The following RNF43 variants were observed in gnomAD, a reference collection of about 807,000 sequenced individuals.
The protein encoded by RNF43 is ring finger protein 43, also known as E3 ubiquitin-protein ligase RNF43.
A neutral mutation model predicts 78.4 loss-of-function variants in RNF43; 37 were observed. That is an observed-to-expected ratio of 0.47 (90% CI 0.36 to 0.62). RNF43 has a LOEUF of 0.62. RNF43 is among the 20% of genes least tolerant of loss of function. RNF43 has a pLI of 0.00. For synonymous variants in RNF43, 347 were observed against 395.0 expected (o/e 0.88, Z 1.44); for missense variants, 774 against 1,007.9 (o/e 0.77, Z 3.14).
chr17:58,360,043 A>G lies in RNF43; in HGVS notation c.952+106T>C, dbSNP rs548596445. ...GTACAGCCCATACAACTATGGTGGC[A>G]GTTCTGCTTTCTCCCCAGCTTCAAG... On this transcript the variant is annotated intron_variant, in intron 8 of 9. Transcript: ENST00000407977. This position sits in a 1 kb window ranked among gnomAD's most constrained non-coding sequence, Gnocchi z 4.3. The G allele has an allele frequency of 3.3e-5, 26 of 795,622 alleles. No individual in the cohort carries two copies. The South Asian group carries it at 3.6e-4, about 11-fold the overall frequency. The allele number at this position is 795,622 out of a possible 1,614,324, so 49.3% of individuals were successfully genotyped here. A position where few individuals can be genotyped will look rare whatever the true frequency, so the allele number is the denominator to read the frequency against.
At chr17:58,382,443 T>C (rs955058845) in intron 2 of RNF43, among the ~76,000 whole-genome samples, 3 of 152,226 alleles carry the variant, frequency 2.0e-5, no homozygotes, top group African/African-American at 7.2e-5. Flanking sequence ...TCAGAAACTT[T>C]CTGTATACTC....
intron 2 of RNF43, among the ~76,000 whole-genome samples, chr17:58,374,391 C>T (rs1484894282): frequency 6.7e-6 from 1 of 149,192 alleles, no homozygotes; most frequent in Non-Finnish European, 1.5e-5. Context: ...TCTTTTCACT[C>T]TTCTTTTTTT....
intron 2 of RNF43, among the ~76,000 whole-genome samples, chr17:58,374,753 C>G (rs1973172698): frequency 6.6e-6 from 1 of 152,236 alleles, no homozygotes; most frequent in Non-Finnish European, 1.5e-5. Context: ...CTACGGTGCC[C>G]ACACAGAGGT....
In RNF43 at chr17:58,394,131, G is replaced by A. The variant is rs190782454; in HGVS notation, c.252+21195C>T. ...AACATTCCCTAGACTCCTCTCTACT[G>A]GGGATACCCTTCTCTCTTGAGGAAA... On this transcript the variant is annotated intron_variant, in intron 2 of 9. Coordinates refer to ENST00000407977, the MANE Select transcript of RNF43 (RefSeq NM_017763.6). 5.9e-5 allele frequency among the ~76,000 whole-genome samples: 9 copies of A among 152,282 alleles called. No individual in the cohort carries two copies. The East Asian group carries it at 7.7e-4, about 13-fold the overall frequency.
At chr17:58,370,032 G>T (rs1288041140) in intron 3 of RNF43, among the ~76,000 whole-genome samples, 2 of 142,724 alleles carry the variant, frequency 1.4e-5, no homozygotes, top group Non-Finnish European at 3.0e-5. Context: ...TGCTTTGCAG[G>T]TTTCTTCTAA....
At chr17:58,370,401 T>C (rs1350210354) in intron 3 of RNF43, among the ~76,000 whole-genome samples, 1 of 152,192 alleles carries the variant, frequency 6.6e-6, no homozygotes, top group Non-Finnish European at 1.5e-5. Context: ...ATTTTTAATT[T>C]TTAAATGTGG....
downstream of RNF43, chr17:58,353,002 G>A (rs1972595096): frequency 9.2e-6 from 2 of 217,500 alleles, no homozygotes; most frequent in African/African-American, 4.5e-5. Context: ...AAGCGACAAA[G>A]GCCCCTTCTG....
In RNF43 at chr17:58,357,292, G is replaced by T; in HGVS notation, c.2308+176C>A. 2 of 830,848 alleles carry T rather than the reference G, an allele frequency of 2.4e-6. No homozygotes were observed. The highest frequency in any genetic ancestry group is 4.0e-6 in the Non-Finnish European group (2 of 499,774). 51.5% of individuals were successfully genotyped at this position (830,848 alleles called of 1,614,324 possible). A position where few individuals can be genotyped will look rare whatever the true frequency, so the allele number is the denominator to read the frequency against. On this transcript the variant is annotated intron_variant, in intron 9 of 9. Transcript: ENST00000407977. The surrounding 1 kb of genome is among the most constrained non-coding windows in gnomAD (Gnocchi z 4.5). ...GGGTAGCACCTGGCAGAGGTGGGGTGTTCCTGCACTCTAGCCAGCATGATA... is the reference window on the plus strand; with the variant it reads ...GGGTAGCACCTGGCAGAGGTGGGGTTTTCCTGCACTCTAGCCAGCATGATA...
At chr17:58,381,455 A>G (rs1185976898) in intron 2 of RNF43, among the ~76,000 whole-genome samples, 1 of 152,248 alleles carries the variant, frequency 6.6e-6, no homozygotes, top group African/African-American at 2.4e-5. Flanking sequence ...CAAGGCAAAC[A>G]GACTGCTGGC....
chr17:58,373,146 C>T (rs774430619), intron 2 of RNF43, among the ~76,000 whole-genome samples: 4 of 152,208 alleles, frequency 2.6e-5, no homozygotes, highest in Admixed American at 6.5e-5. Flanking sequence ...TCTGCTTGCT[C>T]CTCGACCCTC....
rs2143387163 is a variant in RNF43, at chr17:58,357,585, G to A, written c.2191C>T (p.Pro731Ser). The change falls in exon 9 of 10, where the codon CCT becomes TCT. Residue 731 changes from proline to serine, a missense_variant. Pro to Ser is a moderately conservative substitution (Grantham distance 74). Coordinates refer to ENST00000407977, the MANE Select transcript of RNF43 (RefSeq NM_017763.6). The surrounding 1 kb of genome is among the most constrained non-coding windows in gnomAD (Gnocchi z 4.5). ...NSQPVWLCLT[P>S]RQPLEPHPPG... is the part of the protein sequence containing the mutation. ...GGATGTGGTTCCAGGGGCTGGCGAG[G>A]AGTCAGGCACAACCACACTGGCTGT... is the stretch of plus-strand genomic sequence containing the variant. 1 of 1,614,220 alleles carries A rather than the reference G, an allele frequency of 6.2e-7. No homozygotes were observed. The highest frequency in any genetic ancestry group is 8.5e-7 in the Non-Finnish European group (1 of 1,180,044).
At chr17:58,391,320 C>A (rs540786065) in intron 2 of RNF43, among the ~76,000 whole-genome samples, 1 of 152,236 alleles carries the variant, frequency 6.6e-6, no homozygotes, top group East Asian at 1.9e-4. Flanking sequence ...TCCCACCTCT[C>A]CACCACTACC....
At chr17:58,377,418 CCA>C (rs1339170064) in intron 2 of RNF43, among the ~76,000 whole-genome samples, 2 of 152,278 alleles carry the variant, frequency 1.3e-5, no homozygotes, top group Admixed American at 6.5e-5. Context: ...AGCTCATTAT[CCA>C]CAGTCACTTC....
In RNF43 at chr17:58,370,984, G is replaced by A; in HGVS notation, c.302C>T (p.Pro101Leu). Residue 101 changes from proline (P) to leucine (L), a missense_variant, in exon 3 of 10, where the codon CCT becomes CTT. Physicochemically the swap from Pro to Leu is moderately conservative, Grantham distance 98. Coordinates refer to ENST00000407977, the MANE Select transcript of RNF43 (RefSeq NM_017763.6). Reference sequence around the variant, plus strand: ...CAGCTTGACGATGCTGATGAATCCAGGCTCCAGATTGTCGTCATCACTGGC... The same window carrying A: ...CAGCTTGACGATGCTGATGAATCCAAGCTCCAGATTGTCGTCATCACTGGC... ...CNASDDDNLE[P>L]GFISIVKLES... The A allele has an allele frequency of 6.2e-7, 1 of 1,611,670 alleles. No homozygotes were observed. Among genetic ancestry groups the A allele is most frequent in the South Asian group, 1.1e-5 (1 of 90,652 alleles).
At chr17:58,387,417 G>A (rs1256112388) in intron 2 of RNF43, among the ~76,000 whole-genome samples, 1 of 152,068 alleles carries the variant, frequency 6.6e-6, no homozygotes, top group African/African-American at 2.4e-5. Context: ...TTGGGGGACC[G>A]AGGCAGGCAG....
intron 3 of RNF43, among the ~76,000 whole-genome samples, chr17:58,367,253 C>A (rs1972976204): frequency 3.3e-5 from 5 of 152,108 alleles, no homozygotes; most frequent in Admixed American, 3.3e-4. Flanking sequence ...CCTGCCTCAG[C>A]CTCTGAAAGT....
chr17:58,365,957 G>A (rs1027205127), intron 3 of RNF43, among the ~76,000 whole-genome samples: 1 of 152,134 alleles, frequency 6.6e-6, no homozygotes, highest in African/African-American at 2.4e-5. Context: ...CTTACTTGCA[G>A]GACTCACTGG....
downstream of RNF43, chr17:58,352,948 A>G (rs994564371): frequency 4.7e-6 from 1 of 214,198 alleles, no homozygotes; most frequent in Non-Finnish European, 9.4e-6. Flanking sequence ...ACCCCTACCA[A>G]ACCTTTCTCG....
intron 3 of RNF43, among the ~76,000 whole-genome samples, chr17:58,366,650 C>A (rs910074487): frequency 6.6e-6 from 1 of 152,174 alleles, no homozygotes; most frequent in Admixed American, 6.5e-5. Flanking sequence ...AGACTTGGGT[C>A]AAGTCACTTC....
Sources: gnomAD v4.1 joint callset for allele counts (sites outside exome capture counted in the v4.1 genomes callset) on GRCh38, gnomAD v4.1.1 for gene constraint, Gnocchi (gnomAD v3.1) non-coding constraint, MANE v1.5 for transcripts, NCBI Gene and HGNC (gene_info 2026-07-23, HGNC 2026-07-21) for gene names.